SPOCK1: variants seen among roughly 807,000 people sequenced by gnomAD.
The protein encoded by SPOCK1 is testican-1.
Under a neutral mutation model 55.3 loss-of-function variants are expected in SPOCK1, and 23 were observed. The observed-to-expected ratio is 0.42, with a 90% confidence interval of 0.30 to 0.59. SPOCK1 has a LOEUF of 0.59. Among genes scored for constraint, SPOCK1 ranks in the 20% least tolerant of loss-of-function variants. SPOCK1 has a pLI of 0.22. For synonymous variants in SPOCK1, 226 were observed against 221.0 expected (o/e 1.02, Z -0.20); for missense variants, 499 against 552.5 (o/e 0.90, Z 0.97).
intron 5 of SPOCK1, among the ~76,000 whole-genome samples, chr5:137,092,509 C>A (rs549239644): frequency 6.6e-6 from 1 of 152,316 alleles, no homozygotes; most frequent in South Asian, 2.1e-4. Flanking sequence ...AGAGGCCCTC[C>A]CTGATACCCA....
At chr5:137,033,313 A>G (rs1010782644) in intron 6 of SPOCK1, among the ~76,000 whole-genome samples, 1 of 152,188 alleles carries the variant, frequency 6.6e-6, no homozygotes, top group Admixed American at 6.5e-5. Context: ...AGGAGAGGAC[A>G]ATGGTCTCTG....
intron 3 of SPOCK1, among the ~76,000 whole-genome samples, chr5:137,202,573 A>G (rs1755446064): frequency 1.3e-5 from 2 of 152,252 alleles, no homozygotes; most frequent in Admixed American, 1.3e-4. Context: ...CTCCAGGAGA[A>G]CCAATGAGTA....
At chr5:137,439,880 A>G (rs1752955407) in intron 2 of SPOCK1, among the ~76,000 whole-genome samples, 1 of 152,208 alleles carries the variant, frequency 6.6e-6, no homozygotes, top group East Asian at 1.9e-4. Context: ...CAAACAGCCC[A>G]GCCAGATCAC....
chr5:137,319,428 T>C (rs1401212426), intron 2 of SPOCK1, among the ~76,000 whole-genome samples: 1 of 152,238 alleles, frequency 6.6e-6, no homozygotes, highest in Non-Finnish European at 1.5e-5. Context: ...TTGTTCACTA[T>C]AAGTAACAGA....
intron 6 of SPOCK1, among the ~76,000 whole-genome samples, chr5:137,060,771 T>A (rs532993982): frequency 6.6e-6 from 1 of 152,268 alleles, no homozygotes; most frequent in Admixed American, 6.5e-5. Flanking sequence ...AGCTTATCCT[T>A]CTTTCTCTGT....
chr5:137,421,835 T>C (rs1752504519), intron 2 of SPOCK1, among the ~76,000 whole-genome samples: 1 of 152,338 alleles, frequency 6.6e-6, no homozygotes, highest in Middle Eastern at 3.4e-3. Context: ...TTTGATCCTG[T>C]CGTTATGATG....
chr5:137,452,026 C>T (rs1426933006), intron 2 of SPOCK1, among the ~76,000 whole-genome samples: 2 of 152,124 alleles, frequency 1.3e-5, no homozygotes, highest in Admixed American at 1.3e-4. Flanking sequence ...ATTTGAAAAT[C>T]CAAAATGCCC....
chr5:137,199,663 T>C (rs140943316), intron 3 of SPOCK1, among the ~76,000 whole-genome samples: 2 of 152,314 alleles, frequency 1.3e-5, no homozygotes, highest in African/African-American at 4.8e-5. Context: ...CTTCTTCTAC[T>C]GTCTTCTCAT....
intron 2 of SPOCK1, among the ~76,000 whole-genome samples, chr5:137,300,199 T>A (rs1049163774): frequency 1.3e-5 from 2 of 152,208 alleles, no homozygotes; most frequent in Non-Finnish European, 2.9e-5. Flanking sequence ...TCTGATAAAA[T>A]TTTCATTTCA....
intron 3 of SPOCK1, among the ~76,000 whole-genome samples, chr5:137,216,495 G>C (rs1033523975): frequency 3.9e-5 from 6 of 152,208 alleles, no homozygotes; most frequent in Non-Finnish European, 7.3e-5. Flanking sequence ...TGGATCACTT[G>C]AGGTCAGGAG....
At chr5:137,281,298 G>A (rs1039631049) in intron 2 of SPOCK1, among the ~76,000 whole-genome samples, 9 of 152,250 alleles carry the variant, frequency 5.9e-5, no homozygotes, top group Non-Finnish European at 7.4e-5. Flanking sequence ...TAAGGTCCAC[G>A]TACACCAGTG....
chr5:137,117,715 A>C (rs1486911598), intron 4 of SPOCK1, among the ~76,000 whole-genome samples: 1 of 152,000 alleles, frequency 6.6e-6, no homozygotes, highest in Non-Finnish European at 1.5e-5. Context: ...AATTCAGACT[A>C]TGAAAAAAAA....
intron 6 of SPOCK1, among the ~76,000 whole-genome samples, chr5:137,016,514 T>C (rs990025869): frequency 2.0e-5 from 3 of 152,142 alleles, no homozygotes; most frequent in East Asian, 3.8e-4. Flanking sequence ...TACCAAACAA[T>C]AAATTTTCTG....
At position 137,346,165 on chromosome 5, in the gene SPOCK1, C is replaced by T. The variant is rs201903977; in HGVS notation, c.187-79110G>A. 1.4e-4 allele frequency among the ~76,000 whole-genome samples: 21 copies of T among 152,176 alleles called. No individual in the cohort carries two copies. In the East Asian group the frequency reaches 3.3e-3, roughly 24 times the overall value. On this transcript the variant is annotated intron_variant, in intron 2 of 10. Coordinates refer to ENST00000394945, the MANE Select transcript of SPOCK1 (RefSeq NM_004598.4). ...CTCTCCTTTCTCCTGCATCAGATGC[C>T]CTTTGGCTTCCTCTCCCAGCACACA...
rs370282541 is a variant in SPOCK1 at position 137,498,422 on chromosome 5, C to T, written c.137G>A (p.Ser46Asn). 8.1e-6 allele frequency: 13 copies of T among 1,610,082 alleles called. No homozygotes were observed. The highest frequency in any genetic ancestry group is 1.1e-5 in the Non-Finnish European group (13 of 1,178,408). Residue 46 changes from serine to asparagine, a missense_variant, in exon 2 of 11, where the codon AGC (serine) becomes AAC (asparagine). This residue lies in a region of SPOCK1 where 386 missense variants were observed against 400.6 expected (regional missense o/e 0.96). Coordinates refer to ENST00000394945, the MANE Select transcript of SPOCK1 (RefSeq NM_004598.4). Reference sequence around the variant, plus strand: ...GTCCCGGTCGTACTGGGAGACGGTGCTCAGCCACTGGTCATTGTCTAGGAA... The same window carrying T: ...GTCCCGGTCGTACTGGGAGACGGTGTTCAGCCACTGGTCATTGTCTAGGAA... ...GNFLDNDQWL[S>N]TVSQYDRDKY...
intron 5 of SPOCK1, among the ~76,000 whole-genome samples, chr5:137,107,833 C>G (rs1303141354): frequency 1.3e-5 from 2 of 152,200 alleles, no homozygotes; most frequent in African/African-American, 2.4e-5. Flanking sequence ...GATGCTCACA[C>G]AGCCATGGAA....
At chr5:137,088,325 G>A (rs1197432979) in intron 5 of SPOCK1, among the ~76,000 whole-genome samples, 4 of 152,294 alleles carry the variant, frequency 2.6e-5, no homozygotes, top group South Asian at 2.1e-4. Context: ...CCTGAACTTC[G>A]TAACCACATT....
At chr5:137,365,771 G>T (rs1302724053) in intron 2 of SPOCK1, among the ~76,000 whole-genome samples, 1 of 152,044 alleles carries the variant, frequency 6.6e-6, no homozygotes, top group African/African-American at 2.4e-5. Context: ...GAGCTCAGAA[G>T]GTTTTCTATT....
chr5:137,244,543 A>C (rs1008865015), intron 3 of SPOCK1, among the ~76,000 whole-genome samples: 1 of 152,260 alleles, frequency 6.6e-6, no homozygotes, highest in Non-Finnish European at 1.5e-5. Flanking sequence ...TTTCTGACAG[A>C]ACTATAAAAC....
Sources: gnomAD v4.1 joint callset for allele counts (sites outside exome capture counted in the v4.1 genomes callset) on GRCh38, gnomAD v4.1.1 for gene constraint, gnomAD v4.1.1 regional missense constraint, MANE v1.5 for transcripts, NCBI Gene and HGNC (gene_info 2026-07-23, HGNC 2026-07-21) for gene names.